MRPL13: variants seen among roughly 807,000 people sequenced by gnomAD.
The protein encoded by MRPL13 is mitochondrial ribosomal protein L13, also known as large ribosomal subunit protein uL13m.
Under a neutral mutation model 29.0 loss-of-function variants are expected in MRPL13, and 33 were observed. The ratio of observed to expected loss-of-function variants is 1.14; its 90% CI spans 0.86 to 1.52. The LOEUF (loss-of-function observed/expected upper bound fraction) is 1.52. Among genes scored for constraint, MRPL13 ranks in the 40% most tolerant of loss-of-function variants. MRPL13 has a pLI of 0.00. For missense variants in MRPL13, 227 were observed against 216.7 expected (o/e 1.05, Z -0.30); for synonymous variants, 77 against 68.4 (o/e 1.13, Z -0.62).
chr8:120,439,042 T>A (rs1813086338), intron 2 of MRPL13, among the ~76,000 whole-genome samples: 1 of 152,234 alleles, frequency 6.6e-6, no homozygotes, highest in African/African-American at 2.4e-5. Flanking sequence ...TTTGCCTACT[T>A]GTTAAAATTT....
At chr8:120,438,504 A>G (rs1309217904) in intron 2 of MRPL13, among the ~76,000 whole-genome samples, 1 of 152,248 alleles carries the variant, frequency 6.6e-6, no homozygotes, top group East Asian at 1.9e-4. Context: ...GGTTATAAGG[A>G]AGCAGAACTT....
intron 6 of MRPL13, among the ~76,000 whole-genome samples, chr8:120,407,746 A>C (rs1308721883): frequency 6.6e-6 from 1 of 152,178 alleles, no homozygotes. Context: ...AAGTAAAAAA[A>C]TTCCCTATTT....
chr8:120,420,017 T>A (rs1812851795), intron 4 of MRPL13, 79 bp from the exon 5 acceptor site: 2 of 914,472 alleles, frequency 2.2e-6, no homozygotes, highest in Non-Finnish European at 3.1e-6. Context: ...GAGATGATGA[T>A]GAAAATGAGG....
At position 120,422,362 on chromosome 8, in the gene MRPL13, G is replaced by T. The variant is rs576313505; in HGVS notation, c.307-2424C>A. Among the ~76,000 whole-genome samples, 108 of 151,530 alleles carry T rather than the reference G, an allele frequency of 7.1e-4. 1 individual carries two copies. The highest frequency in any genetic ancestry group is 2.5e-3 in the African/African-American group (103 of 41,478). ...TGCTATCTAACCTATGAGTAAAGTT[G>T]AAAGTTTAGGTCTATCAATAGCTAA... On this transcript the variant is annotated intron_variant, in intron 4 of 6. Coordinates refer to ENST00000306185, the MANE Select transcript of MRPL13 (RefSeq NM_014078.6).
chr8:120,404,187 A>G (rs967199315), intron 6 of MRPL13, among the ~76,000 whole-genome samples: 1 of 152,192 alleles, frequency 6.6e-6, no homozygotes, highest in South Asian at 2.1e-4. Flanking sequence ...TGGTTCATAT[A>G]ATTACAAAAG....
At chr8:120,427,142 AC>A in intron 3 of MRPL13, among the ~76,000 whole-genome samples, 1 of 152,166 alleles carries the variant, frequency 6.6e-6, no homozygotes, top group Non-Finnish European at 1.5e-5. Flanking sequence ...AAAGTAAAAA[AC>A]AAAAGTGGAT....
chr8:120,432,383 A>G (rs565520667), intron 2 of MRPL13, among the ~76,000 whole-genome samples: 1 of 152,098 alleles, frequency 6.6e-6, no homozygotes, highest in Non-Finnish European at 1.5e-5. Flanking sequence ...GCCAATAACA[A>G]CAATACATCT....
At chr8:120,413,804 A>C (rs1812769462) in intron 6 of MRPL13, among the ~76,000 whole-genome samples, 187 bp downstream of exon 6, 1 of 152,158 alleles carries the variant, frequency 6.6e-6, no homozygotes, top group African/African-American at 2.4e-5. Flanking sequence ...GCAAGGTCTT[A>C]ATGCTTAAAA....
chr8:120,407,160 A>G (rs1461639366), intron 6 of MRPL13, among the ~76,000 whole-genome samples: 1 of 152,246 alleles, frequency 6.6e-6, no homozygotes. Flanking sequence ...TCAAAAAAGC[A>G]GATTCAAATT....
intron 6 of MRPL13, among the ~76,000 whole-genome samples, chr8:120,403,453 T>C (rs1007197520): frequency 6.6e-6 from 1 of 151,606 alleles, no homozygotes; most frequent in Non-Finnish European, 1.5e-5. Context: ...CATGGACACA[T>C]GGGGTTGGGG....
rs144029550 is a variant in MRPL13 at position 120,410,647 on chromosome 8, T to C, written c.515+3344A>G. ...TTTTATTTACTAAAATTACATCAAATAAAAAATTCAGTTCCTTAGTCACAT... is the reference window on the plus strand; with the variant it reads ...TTTTATTTACTAAAATTACATCAAACAAAAAATTCAGTTCCTTAGTCACAT... On this transcript the variant is annotated intron_variant, in intron 6 of 6. Transcript: ENST00000306185. Among the ~76,000 whole-genome samples, 778 of 152,262 alleles carry C rather than the reference T, an allele frequency of 5.1e-3. 6 individuals carry two copies. The highest frequency in any genetic ancestry group is 0.018 in the African/African-American group (744 of 41,554).
chr8:120,441,316 G>A (rs1813120966), intron 2 of MRPL13, among the ~76,000 whole-genome samples: 1 of 152,102 alleles, frequency 6.6e-6, no homozygotes, highest in Admixed American at 6.6e-5. Context: ...TTAAATTTGG[G>A]AGGCATTAGC....
chr8:120,440,838 C>T (rs1047514623), intron 2 of MRPL13, among the ~76,000 whole-genome samples: 3 of 151,708 alleles, frequency 2.0e-5, no homozygotes, highest in African/African-American at 2.4e-5. Flanking sequence ...AGTTGATCTA[C>T]GGAGAAAGAA....
At position 120,414,143 on chromosome 8, in the gene MRPL13, T is replaced by G; in HGVS notation, c.394-31A>C. On this transcript the variant is annotated intron_variant, in intron 5 of 6. Transcript: ENST00000306185. ...TTAAAAAAAAATTTAGACTTAATTT[T>G]CTTAAAATATCTTTCTTAGCAATAA... 5 of 1,414,976 alleles carry G rather than the reference T, an allele frequency of 3.5e-6. No homozygotes were observed. The South Asian group carries it at 6.2e-5, about 18-fold the overall frequency. The allele number at this position is 1,414,976 out of a possible 1,614,324, so 87.7% of individuals were successfully genotyped here.
chr8:120,405,053 A>G (rs890824361), intron 6 of MRPL13, among the ~76,000 whole-genome samples: 1 of 152,182 alleles, frequency 6.6e-6, no homozygotes, highest in African/African-American at 2.4e-5. Context: ...AATAATCGGG[A>G]TATTTTCCAG....
At chr8:120,420,029 G>C in intron 4 of MRPL13, 91 bp from the exon 5 acceptor site, 1 of 798,154 alleles carries the variant, frequency 1.3e-6, no homozygotes, top group Non-Finnish European at 1.8e-6. Flanking sequence ...AAAATGAGGG[G>C]TTTAGATTCA....
intron 2 of MRPL13, 124 bp from the exon 3 acceptor site, chr8:120,432,247 A>C (rs542878455): frequency 3.5e-6 from 2 of 566,056 alleles, no homozygotes; most frequent in East Asian, 6.4e-5. Flanking sequence ...AGCAAGTTAC[A>C]GTGCAACATC....
At chr8:120,425,192 A>T (rs1255842092) in intron 4 of MRPL13, 114 bp downstream of exon 4, 1 of 728,376 alleles carries the variant, frequency 1.4e-6, no homozygotes, top group Non-Finnish European at 2.2e-6. Context: ...GCTAAAGTGA[A>T]GAATTTATAT....
chr8:120,431,956 T>C, intron 3 of MRPL13, 74 bp downstream of exon 3: 1 of 1,045,534 alleles, frequency 9.6e-7, no homozygotes, highest in Non-Finnish European at 1.4e-6. Context: ...TTTTTTCTTT[T>C]AAGTAAGAAC....
Sources: allele counts gnomAD v4.1 joint callset (sites outside exome capture counted in the v4.1 genomes callset), GRCh38; gene constraint gnomAD v4.1.1; transcripts MANE v1.5; gene names NCBI Gene and HGNC (gene_info 2026-07-23, HGNC 2026-07-21).